SLC16A12: variants seen among roughly 807,000 people sequenced by gnomAD.
The protein encoded by SLC16A12 is solute carrier family 16 member 12.
In SLC16A12, 17 loss-of-function variants were observed where a neutral mutation model predicts 42.4. The ratio of observed to expected loss-of-function variants is 0.40; its 90% confidence interval spans 0.27 to 0.60. The LOEUF (loss-of-function observed/expected upper bound fraction) is 0.60, where lower values mean the gene tolerates loss of function less well. SLC16A12 is among the 20% of genes least tolerant of loss of function. The pLI, the probability that SLC16A12 is intolerant of heterozygous loss-of-function variation, is 0.42. For missense variants in SLC16A12, 544 were observed against 623.0 expected (o/e 0.87, Z 1.35); for synonymous variants, 224 against 229.4 (o/e 0.98, Z 0.21).
At chr10:89,434,059 AAGAAAACCCACC>A (rs1841737144) in intron 7 of SLC16A12, among the ~76,000 whole-genome samples, 1 of 152,198 alleles carries the variant, frequency 6.6e-6, no homozygotes, top group African/African-American at 2.4e-5. Flanking sequence ...CTTATCTGCC[AAGAAAACCCACC>A]AGAGAAGTAT....
At chr10:89,454,818 C>T (rs2133724763) in intron 3 of SLC16A12, among the ~76,000 whole-genome samples, 1 of 152,090 alleles carries the variant, frequency 6.6e-6, no homozygotes, top group East Asian at 1.9e-4. Flanking sequence ...ATTTCCTTTG[C>T]ATTTGTTTAT....
chr10:89,499,916 AAAG>A (rs1469235535), intron 2 of SLC16A12, among the ~76,000 whole-genome samples: 2 of 152,216 alleles, frequency 1.3e-5, no homozygotes, highest in African/African-American at 4.8e-5. Flanking sequence ...TTAACCAAGA[AAAG>A]AAGAGAGAAA....
At chr10:89,437,526 G>A (rs1841822657) in intron 6 of SLC16A12, among the ~76,000 whole-genome samples, 1 of 151,938 alleles carries the variant, frequency 6.6e-6, no homozygotes, top group African/African-American at 2.4e-5. Flanking sequence ...AAGAACTTAG[G>A]TCTAGTATGC....
At chr10:89,504,373 C>G (rs1423992132) in intron 2 of SLC16A12, among the ~76,000 whole-genome samples, 3 of 152,220 alleles carry the variant, frequency 2.0e-5, no homozygotes, top group Non-Finnish European at 2.9e-5. Context: ...ATCAAGTTCT[C>G]TAACCCTAAA....
chr10:89,555,642 C>T (rs1362576147), intron 2 of SLC16A12, among the ~76,000 whole-genome samples: 3 of 140,038 alleles, frequency 2.1e-5, no homozygotes, highest in Non-Finnish European at 4.6e-5. Flanking sequence ...CACATATATA[C>T]ATATATATAC....
chr10:89,529,445 C>T (rs535597801), intron 2 of SLC16A12, among the ~76,000 whole-genome samples: 9 of 151,602 alleles, frequency 5.9e-5, no homozygotes, highest in East Asian at 1.9e-4. Flanking sequence ...ACTTTGTTTA[C>T]ATATATGAAC....
chr10:89,502,747 C>T (rs1294115271), intron 2 of SLC16A12, among the ~76,000 whole-genome samples: 1 of 152,208 alleles, frequency 6.6e-6, no homozygotes, highest in Non-Finnish European at 1.5e-5. Context: ...CAGTTTCCAG[C>T]TGCCAAATCA....
chr10:89,433,117 GATCTA>G lies in SLC16A12; in HGVS notation c.1493_1497del (p.Leu498SerfsTer30), dbSNP rs1380827291. On this transcript the variant is annotated frameshift_variant, in exon 8 of 8. Coordinates refer to ENST00000371790, the MANE Select transcript of SLC16A12 (RefSeq NM_213606.4). LOFTEE classifies it high-confidence loss of function. Reference sequence around the variant, plus strand: ...GTAGCCACAGGCTCCCCATGTTTCTGATCTAATTCTCTTGCCACAGAATAAGCCAC... The same window carrying G: ...GTAGCCACAGGCTCCCCATGTTTCTGATTCTCTTGCCACAGAATAAGCCAC... 6.2e-7 allele frequency: 1 copy of G among 1,614,166 alleles called. No homozygotes were observed.
intron 2 of SLC16A12, among the ~76,000 whole-genome samples, chr10:89,509,331 G>C (rs749120064): frequency 6.6e-6 from 1 of 152,094 alleles, no homozygotes; most frequent in Admixed American, 6.6e-5. Flanking sequence ...GAACATCAAC[G>C]TGAAAATTCT....
intron 2 of SLC16A12, among the ~76,000 whole-genome samples, chr10:89,474,348 G>A (rs943517116): frequency 7.2e-5 from 11 of 151,800 alleles, no homozygotes; most frequent in Non-Finnish European, 1.2e-4. Flanking sequence ...GCACACACAC[G>A]CACCCAAACA....
intron 2 of SLC16A12, among the ~76,000 whole-genome samples, chr10:89,520,005 C>T (rs369627413): frequency 5.3e-5 from 8 of 150,490 alleles, no homozygotes; most frequent in East Asian, 2.0e-4. Context: ...CCCAGCTACT[C>T]GGGAGGCTGA....
chr10:89,474,205 T>C (rs1272358272), intron 2 of SLC16A12, among the ~76,000 whole-genome samples: 1 of 152,192 alleles, frequency 6.6e-6, no homozygotes, highest in East Asian at 1.9e-4. Context: ...CTGGCACTTA[T>C]CAAATACATT....
chr10:89,518,573 G>A (rs557582995), intron 2 of SLC16A12, among the ~76,000 whole-genome samples: 19 of 152,296 alleles, frequency 1.2e-4, no homozygotes, highest in African/African-American at 1.9e-4. Context: ...GATTATTTTC[G>A]AGGTGATTTA....
intron 2 of SLC16A12, among the ~76,000 whole-genome samples, chr10:89,519,979 G>A (rs1384966870): frequency 6.6e-6 from 1 of 151,794 alleles, no homozygotes; most frequent in Non-Finnish European, 1.5e-5. Context: ...TGGATGTGGT[G>A]GTGGGCGCCT....
chr10:89,483,329 A>G (rs2133791248), intron 2 of SLC16A12, among the ~76,000 whole-genome samples: 1 of 152,248 alleles, frequency 6.6e-6, no homozygotes, highest in East Asian at 1.9e-4. Context: ...GGGAACACAA[A>G]CATTGAGTCC....
chr10:89,511,545 A>G (rs577839077), intron 2 of SLC16A12, among the ~76,000 whole-genome samples: 2 of 152,270 alleles, frequency 1.3e-5, no homozygotes, highest in African/African-American at 2.4e-5. Context: ...ACACATGGAC[A>G]CAGGGAGGTG....
rs146796186 is a variant in SLC16A12 at position 89,523,515 on chromosome 10, G to C, written c.-47+10986C>G. On this transcript the variant is annotated intron_variant, in intron 2 of 7. Coordinates refer to ENST00000371790, the MANE Select transcript of SLC16A12 (RefSeq NM_213606.4). ...GACCTCTCTGTCATGACTAAAACTTGTTTTTCCCTGAGTTTCCATGATAGG... is the reference window on the plus strand; with the variant it reads ...GACCTCTCTGTCATGACTAAAACTTCTTTTTCCCTGAGTTTCCATGATAGG... Among the ~76,000 whole-genome samples, 942 of 152,260 alleles carry C rather than the reference G, an allele frequency of 6.2e-3. 7 individuals carry two copies. The highest frequency in any genetic ancestry group is 0.022 in the African/African-American group (903 of 41,542).
At chr10:89,480,380 G>A (rs56086829) in intron 2 of SLC16A12, among the ~76,000 whole-genome samples, 10,355 of 152,096 alleles carry the variant, frequency 0.068, 512 homozygotes, top group East Asian at 0.22. Context: ...CCTTTTAAAG[G>A]GGGCTTTAAT....
At position 89,546,287 on chromosome 10, in the gene SLC16A12, CCCATCTGACAA is replaced by C. The variant is rs571793624; in HGVS notation, c.-47+9584_-47+9594del. ...AATGGGAGAAAATTTTTGCAATCTA[CCCATCTGACAA>C]AGGCCTAATATCCAGCATCTACAAG... is the stretch of plus-strand genomic sequence containing the variant. On this transcript the variant is annotated intron_variant, in intron 2 of 2. Transcript: ENST00000475682. Among the ~76,000 whole-genome samples the C allele has an allele frequency of 5.8e-4, 89 of 152,210 alleles. 2 individuals carry two copies. In the South Asian group the frequency reaches 0.018, roughly 31 times the overall value.
Sources: allele counts gnomAD v4.1 joint callset (sites outside exome capture counted in the v4.1 genomes callset), GRCh38; gene constraint gnomAD v4.1.1; transcripts MANE v1.5; gene names NCBI Gene and HGNC (gene_info 2026-07-23, HGNC 2026-07-21).